Variants in PPP2R3B observed in about 807,000 individuals in gnomAD.
PPP2R3B encodes protein phosphatase 2 regulatory subunit B''beta, also known as serine/threonine-protein phosphatase 2A regulatory subunit B'' subunit beta.
A neutral mutation model predicts 72.9 loss-of-function variants in PPP2R3B; 68 were observed. The observed-to-expected ratio is 0.93, with a 90% confidence interval of 0.77 to 1.14. PPP2R3B has a LOEUF of 1.14. PPP2R3B is among the 50% of genes most tolerant of loss of function. PPP2R3B has a pLI of 0.00. For missense variants in PPP2R3B, 1,018 were observed against 842.0 expected (o/e 1.21, Z -2.59); for synonymous variants, 466 against 375.8 (o/e 1.24, Z -2.78).
rs1303696483 is a variant in PPP2R3B, at chrX:386,701, T to C, written c.-10A>G. 14 of 1,269,008 alleles carry C rather than the reference T, an allele frequency of 1.1e-5. No individual in the cohort carries two copies. Among genetic ancestry groups the C allele is most frequent in the African/African-American group, 1.6e-5 (1 of 63,386 alleles). 78.6% of individuals were successfully genotyped at this position (1,269,008 alleles called of 1,614,324 possible). A position where few individuals can be genotyped will look rare whatever the true frequency, so the allele number is the denominator to read the frequency against. On this transcript the variant is annotated 5_prime_UTR_variant, in exon 1 of 13. Coordinates refer to ENST00000390665, the MANE Select transcript of PPP2R3B (RefSeq NM_013239.5). ...CTTTGCCGGGCGGCATGGCGGGGGC[T>C]GGGCCCGCGGCGCCCCCGGACGCCC... is the stretch of plus-strand genomic sequence containing the variant.
intron 1 of PPP2R3B, among the ~76,000 whole-genome samples, chrX:380,721 G>A (rs950340090): frequency 3.3e-5 from 5 of 149,904 alleles, no homozygotes; most frequent in Non-Finnish European, 5.9e-5. Context: ...AGGAGGTGGA[G>A]GTTGTAGTGA....
chrX:340,451 CCCCCTCCCG>C (rs1219221287), intron 10 of PPP2R3B, among the ~76,000 whole-genome samples: 1,950 of 120,410 alleles, frequency 0.016, 412 homozygotes, highest in Non-Finnish European at 0.018. Context: ...CTGGTCCGTC[CCCCCTCCCG>C]TCTGTCCCCT....
At chrX:350,328 G>A (rs892173852) in intron 2 of PPP2R3B, among the ~76,000 whole-genome samples, 7 of 152,224 alleles carry the variant, frequency 4.6e-5, no homozygotes, top group Admixed American at 1.3e-4. Flanking sequence ...CTCTGCCGCG[G>A]CCAAGGTTTC....
chrX:336,949 T>G (rs1215820957), intron 12 of PPP2R3B: 1 of 152,164 alleles, frequency 6.6e-6, no homozygotes, highest in Non-Finnish European at 1.5e-5. Flanking sequence ...ACTCAAAAGT[T>G]CAGATTGTTT....
chrX:354,562 CTG>C (rs1471539703), intron 2 of PPP2R3B, among the ~76,000 whole-genome samples: 16 of 152,232 alleles, frequency 1.1e-4, no homozygotes, highest in Non-Finnish European at 1.8e-4. Flanking sequence ...AAAAAGTAAA[CTG>C]AGGCCAGGCG....
chrX:345,243 G>A (rs1367178373), intron 7 of PPP2R3B: 1 of 673,788 alleles, frequency 1.5e-6, no homozygotes, highest in African/African-American at 1.8e-5. Flanking sequence ...GCTGGCCCTC[G>A]GGCCAGGAGC....
At chrX:338,275 A>C in intron 12 of PPP2R3B, 2 of 484,068 alleles carry the variant, frequency 4.1e-6, no homozygotes, top group Non-Finnish European at 7.6e-6. Context: ...AGCAGGTGCC[A>C]GCCGTGGGAT....
chrX:347,948 A>C (rs2071258127), intron 2 of PPP2R3B: 2 of 439,202 alleles, frequency 4.6e-6, no homozygotes, highest in East Asian at 7.5e-5. Context: ...GGGCACTGTA[A>C]CCAGAGGCGG....
chrX:350,338 CT>C (rs1284010694), intron 2 of PPP2R3B, among the ~76,000 whole-genome samples: 1 of 152,174 alleles, frequency 6.6e-6, no homozygotes. Context: ...GCCAAGGTTT[CT>C]TTCACGGGCC....
intron 2 of PPP2R3B, chrX:359,923 C>T (rs1034668153): frequency 2.0e-5 from 9 of 453,444 alleles, no homozygotes; most frequent in Non-Finnish European, 3.8e-5. Context: ...CACTTTGTAA[C>T]CATGGAGGTT....
At chrX:380,443 A>C (rs1234045902) in intron 1 of PPP2R3B, among the ~76,000 whole-genome samples, 1 of 152,166 alleles carries the variant, frequency 6.6e-6, no homozygotes, top group Non-Finnish European at 1.5e-5. Context: ...GCAAATAAGC[A>C]CCTGAAAATT....
chrX:363,849 G>A (rs892033566), intron 1 of PPP2R3B, among the ~76,000 whole-genome samples: 31 of 152,262 alleles, frequency 2.0e-4, no homozygotes, highest in Admixed American at 2.0e-4. Flanking sequence ...CTGACCCCGC[G>A]AATATTCTGC....
At chrX:341,426 A>G in intron 8 of PPP2R3B, 30 bp from the exon 9 acceptor site, 1 of 1,606,802 alleles carries the variant, frequency 6.2e-7, no homozygotes, top group Non-Finnish European at 8.5e-7. Context: ...GGAGAGACGA[A>G]GATGCATGTC....
chrX:346,580 T>C (rs2071219262), intron 5 of PPP2R3B, 121 bp downstream of exon 5: 1 of 967,702 alleles, frequency 1.0e-6, no homozygotes, highest in Non-Finnish European at 1.5e-6. Context: ...CGCGGCCGCC[T>C]CCTCCGGAAG....
intron 2 of PPP2R3B, chrX:347,971 C>T (rs780589403): frequency 8.2e-5 from 34 of 412,830 alleles, no homozygotes; most frequent in African/African-American, 6.4e-4. Flanking sequence ...GCATCCCCAG[C>T]GTCTGGAAAT....
At chrX:359,989 T>C (rs1603086990) in intron 2 of PPP2R3B, 2 of 329,396 alleles carry the variant, frequency 6.1e-6, no homozygotes, top group South Asian at 4.3e-5. Flanking sequence ...CAATCCCTAA[T>C]AGAAAAAGGG....
At chrX:346,363 C>CTTG in intron 5 of PPP2R3B, 103 bp from the exon 6 acceptor site, 1 of 1,140,374 alleles carries the variant, frequency 8.8e-7, no homozygotes, top group Non-Finnish European at 1.3e-6. Context: ...TGGTCTCAGC[C>CTTG]GCACGGGGCC....
intron 2 of PPP2R3B, among the ~76,000 whole-genome samples, chrX:357,703 C>G (rs2738381): frequency 0.27 from 40,469 of 151,930 alleles, 5,684 homozygotes; most frequent in East Asian, 0.38. Context: ...TAAATGAAAA[C>G]CCTGAATTAG....
rs185230944 is a variant in PPP2R3B at position 339,409 on chromosome X, G to A, written c.1352-513C>T. On this transcript the variant is annotated intron_variant, in intron 10 of 12. Transcript: ENST00000390665. ...GGCTCCCCTTTGCCTTAGAGGGCACGGGGGTGGGTGGGAGGAGCTGGGGAG... is the reference window on the plus strand; with the variant it reads ...GGCTCCCCTTTGCCTTAGAGGGCACAGGGGTGGGTGGGAGGAGCTGGGGAG... 3.7e-3 allele frequency among the ~76,000 whole-genome samples: 164 copies of A among 43,816 alleles called. 7 individuals carry two copies. Among genetic ancestry groups the A allele is most frequent in the African/African-American group, 0.018 (151 of 8,450 alleles). 28.7% of individuals were successfully genotyped at this position (43,816 alleles called of 152,430 possible).
Sources: gnomAD v4.1 joint callset for allele counts (sites outside exome capture counted in the v4.1 genomes callset) on GRCh38, gnomAD v4.1.1 for gene constraint, MANE v1.5 for transcripts, NCBI Gene and HGNC (gene_info 2026-07-23, HGNC 2026-07-21) for gene names.